The following NBPF11 variants were observed in gnomAD, a reference collection of about 807,000 sequenced individuals.
NBPF11 encodes NBPF member 11.
Under a neutral mutation model 93.9 loss-of-function variants are expected in NBPF11, and 72 were observed. That is an observed-to-expected ratio of 0.77 (90% CI 0.63 to 0.93). The LOEUF (loss-of-function observed/expected upper bound fraction) is 0.93, where lower values mean the gene tolerates loss of function less well. Ranked by LOEUF, NBPF11 falls within the 40% of genes least tolerant of loss-of-function variation. NBPF11 has a pLI of 0.00. For synonymous variants in NBPF11, 224 were observed against 304.9 expected, an observed-to-expected ratio of 0.73 and a Z score of 2.76; for missense variants, 705 against 802.2, an observed-to-expected ratio of 0.88 and a Z score of 1.46.
intron 21 of NBPF11, 127 bp downstream of exon 21, chr1:148,106,054 T>A: frequency 1.1e-5 from 6 of 545,828 alleles, no homozygotes; most frequent in South Asian, 1.0e-4. Flanking sequence ...CCAACAGCAA[T>A]GTTAGTAGGA....
chr1:148,124,120 T>C (rs1668529804), intron 6 of NBPF11, 53 bp from the exon 7 acceptor site: 5 of 1,604,308 alleles, frequency 3.1e-6, no homozygotes, highest in Admixed American at 1.7e-5. Context: ...GAGTGATCCG[T>C]TCAAATATTG....
At chr1:148,112,112 T>C (rs1231823909) in intron 15 of NBPF11, among the ~76,000 whole-genome samples, 3 of 138,062 alleles carry the variant, frequency 2.2e-5, no homozygotes, top group Admixed American at 2.2e-4. Flanking sequence ...TTCTTTTTTT[T>C]CCATATGTAT....
Position 148,105,412 on chromosome 1 carries a change from A to T in NBPF11, c.2420T>A (p.Val807Asp). The T allele has an allele frequency of 9.2e-7, 1 of 1,088,838 alleles. No homozygotes were observed. The highest frequency in any genetic ancestry group is 1.2e-5 in the South Asian group (1 of 80,148). The allele number at this position is 1,088,838 out of a possible 1,614,324, so 67.4% of individuals were successfully genotyped here. A position where few individuals can be genotyped will look rare whatever the true frequency, so the allele number is the denominator to read the frequency against. Residue 807 changes from valine to aspartate, a missense_variant, in exon 22 of 24, where the codon GTT becomes GAT. Val to Asp is a radical substitution (Grantham distance 152). Coordinates refer to ENST00000682118, the MANE Select transcript of NBPF11 (RefSeq NM_001385469.3). ...NSLTPASPTE[V>D]PFMHWRKNML... ...GTTTTTCCTCCAATGCATAAAAGGA[A>T]CTTCCGTAGGGCTGGCAGGAGTCAG... is the stretch of plus-strand genomic sequence containing the variant.
intron 1 of NBPF11, among the ~76,000 whole-genome samples, chr1:148,150,700 A>G (rs1648061161): frequency 1.3e-5 from 2 of 151,626 alleles, no homozygotes; most frequent in South Asian, 2.1e-4. Flanking sequence ...ACTGTAACTC[A>G]AAGAAAAGAT....
intron 1 of NBPF11, among the ~76,000 whole-genome samples, chr1:148,144,685 T>G (rs1672725472): frequency 6.6e-6 from 1 of 151,896 alleles, no homozygotes; most frequent in Non-Finnish European, 1.5e-5. Context: ...TTATTAAAAC[T>G]AAAATGGCCA....
chr1:148,112,243 G>A (rs1665473541), intron 15 of NBPF11, among the ~76,000 whole-genome samples: 2 of 146,464 alleles, frequency 1.4e-5, no homozygotes, highest in Non-Finnish European at 1.5e-5. Context: ...ACATTGGTGT[G>A]CTTCACCCAT....
intron 1 of NBPF11, among the ~76,000 whole-genome samples, chr1:148,151,243 G>T (rs1200584051): frequency 6.6e-6 from 1 of 151,932 alleles, no homozygotes; most frequent in African/African-American, 2.4e-5. Flanking sequence ...TTCAGTGATC[G>T]CTACAAACGC....
intron 5 of NBPF11, among the ~76,000 whole-genome samples, chr1:148,125,957 C>T (rs1669009491): frequency 6.6e-6 from 1 of 152,068 alleles, no homozygotes; most frequent in East Asian, 1.9e-4. Flanking sequence ...TTCACTCTCA[C>T]CAAGGTACTC....
intron 4 of NBPF11, among the ~76,000 whole-genome samples, chr1:148,133,526 G>C (rs1670774651): frequency 6.6e-6 from 1 of 152,192 alleles, no homozygotes; most frequent in South Asian, 2.1e-4. Flanking sequence ...TCTGGGGTTT[G>C]TTTTTATAAA....
intron 20 of NBPF11, among the ~76,000 whole-genome samples, 172 bp from the exon 21 acceptor site, chr1:148,106,404 C>T (rs1350535739): frequency 1.3e-5 from 2 of 148,968 alleles, no homozygotes; most frequent in African/African-American, 2.5e-5. Flanking sequence ...CTTTGGTTTG[C>T]ATCTCAGAAC....
chr1:148,122,017 T>C lies in NBPF11; in HGVS notation c.778+38A>G, dbSNP rs1471398918. ...TCCTCAGAATTGATCTTCCATAGCC[T>C]AGACAGAGGTATGAGACACAAGGAA... On this transcript the variant is annotated intron_variant, in intron 9 of 23. Coordinates refer to ENST00000682118, the MANE Select transcript of NBPF11 (RefSeq NM_001385469.3). 3.4e-4 allele frequency: 402 copies of C among 1,196,350 alleles called. 4 individuals carry two copies. In the African/African-American group the frequency reaches 5.7e-3, roughly 17 times the overall value. The allele number at this position is 1,196,350 out of a possible 1,614,324, so 74.1% of individuals were successfully genotyped here.
chr1:148,125,885 C>G (rs1337646213), intron 5 of NBPF11, among the ~76,000 whole-genome samples: 3 of 152,014 alleles, frequency 2.0e-5, no homozygotes, highest in African/African-American at 7.3e-5. Context: ...TGCTTCCACA[C>G]GTTCTCGGGT....
At chr1:148,112,253 T>C (rs1394682037) in intron 15 of NBPF11, among the ~76,000 whole-genome samples, 1 of 145,894 alleles carries the variant, frequency 6.9e-6, no homozygotes, top group East Asian at 2.1e-4. Flanking sequence ...GCTTCACCCA[T>C]TAACTCATCA....
chr1:148,142,001 G>T (rs1473320118), intron 2 of NBPF11, among the ~76,000 whole-genome samples: 21 of 144,856 alleles, frequency 1.4e-4, no homozygotes, highest in Non-Finnish European at 2.9e-4. Context: ...AGGGAGGGAG[G>T]GAAGGAGGGA....
intron 16 of NBPF11, 97 bp from the exon 17 acceptor site, chr1:148,109,432 T>A (rs1336113978): frequency 3.5e-6 from 3 of 863,854 alleles, no homozygotes; most frequent in East Asian, 2.4e-5. Flanking sequence ...GACATCAGTC[T>A]TGTCAGTGTG....
intron 15 of NBPF11, 78 bp downstream of exon 15, chr1:148,114,359 T>C (rs1310187475): frequency 5.1e-6 from 3 of 583,366 alleles, no homozygotes; most frequent in Non-Finnish European, 6.1e-6. Flanking sequence ...GTTCTATTCA[T>C]CACTTCCTCA....
intron 2 of NBPF11, among the ~76,000 whole-genome samples, chr1:148,139,092 CA>C (rs1160655827): frequency 1.1e-4 from 16 of 147,650 alleles, no homozygotes; most frequent in Admixed American, 1.1e-3. Flanking sequence ...ACTCCATCTC[CA>C]AAAAAAAAGA....
At position 148,102,177 on chromosome 1, in the gene NBPF11, A is replaced by T. The variant is rs1219802683; in HGVS notation, c.*1719T>A. 1 of 152,124 alleles carries T rather than the reference A, an allele frequency of 6.6e-6. No individual in the cohort carries two copies. Among genetic ancestry groups the T allele is most frequent in the Admixed American group, 6.5e-5 (1 of 15,278 alleles). 9.4% of individuals were successfully genotyped at this position (152,124 alleles called of 1,614,324 possible). A position where few individuals can be genotyped will look rare whatever the true frequency, so the allele number is the denominator to read the frequency against. On this transcript the variant is annotated 3_prime_UTR_variant, in exon 24 of 24. Coordinates refer to ENST00000682118, the MANE Select transcript of NBPF11 (RefSeq NM_001385469.3). ...GATAGGCAAAAGGTTTTAATTGTAT[A>T]GATTAAAATTAACTTTGGACAAAAA... is the stretch of plus-strand genomic sequence containing the variant.
rs1662812616 is a variant in NBPF11 at position 148,103,672 on chromosome 1, T to A, written c.*224A>T. ...CTCTCGGCTTAGTAAGGGCTGCTTA[T>A]TGTGGGAATATGACTCCCATCTGGA... On this transcript the variant is annotated 3_prime_UTR_variant, in exon 24 of 24. Transcript: ENST00000682118. The A allele has an allele frequency of 1.6e-5, 25 of 1,611,208 alleles. No individual in the cohort carries two copies. The highest frequency in any genetic ancestry group is 2.1e-5 in the Non-Finnish European group (25 of 1,179,240).
Sources: allele counts gnomAD v4.1 joint callset (sites outside exome capture counted in the v4.1 genomes callset), GRCh38; gene constraint gnomAD v4.1.1; transcripts MANE v1.5; gene names NCBI Gene and HGNC (gene_info 2026-07-23, HGNC 2026-07-21).